The following RGS7 variants were observed in gnomAD, a reference collection of about 807,000 sequenced individuals.
RGS7 encodes the protein regulator of G protein signaling 7.
In RGS7, 27 loss-of-function variants were observed where a neutral mutation model predicts 81.1. The observed-to-expected ratio is 0.33, with a 90% CI of 0.25 to 0.46. The LOEUF is 0.46. Ranked by LOEUF, RGS7 falls within the 20% of genes least tolerant of loss-of-function variation. The pLI is 1.00. For missense variants in RGS7, 396 were observed against 607.4 expected (o/e 0.65, Z 3.66); for synonymous variants, 208 against 207.7 (o/e 1.00, Z -0.01).
At chr1:240,935,068 G>GT (rs34177709) in intron 5 of RGS7, among the ~76,000 whole-genome samples, 57,746 of 145,562 alleles carry the variant, frequency 0.4, 11,696 homozygotes, top group Middle Eastern at 0.47. Flanking sequence ...TTTTTTGTTT[G>GT]TTTTTTTTTT....
chr1:241,231,817 G>A (rs968489030), intron 2 of RGS7, among the ~76,000 whole-genome samples: 1 of 152,122 alleles, frequency 6.6e-6, no homozygotes, highest in Non-Finnish European at 1.5e-5. Flanking sequence ...AAAGCAAAAG[G>A]TTTTAATTTT....
intron 2 of RGS7, among the ~76,000 whole-genome samples, chr1:241,212,789 A>G (rs1442671604): frequency 6.6e-6 from 1 of 152,192 alleles, no homozygotes; most frequent in Non-Finnish European, 1.5e-5. Context: ...GAACATAAGT[A>G]GGGCTTCCGC....
chr1:240,776,431 C>T (rs923325904), intron 18 of RGS7, among the ~76,000 whole-genome samples: 5 of 151,910 alleles, frequency 3.3e-5, no homozygotes, highest in Non-Finnish European at 7.4e-5. Context: ...TCCCTCCACC[C>T]TCCTACCCCT....
At position 240,907,391 on chromosome 1, in the gene RGS7, A is replaced by G. The variant is rs1159479526; in HGVS notation, c.385+23326T>C. On this transcript the variant is annotated intron_variant, in intron 6 of 18. Transcript: ENST00000440928. ...AATAAAATACTAAATACTAAATAGTATTAGTATAGTAAATAGAAATAAAAT... is the reference window on the plus strand; with the variant it reads ...AATAAAATACTAAATACTAAATAGTGTTAGTATAGTAAATAGAAATAAAAT... 2.6e-5 allele frequency among the ~76,000 whole-genome samples: 4 copies of G among 152,064 alleles called. No homozygotes were observed. In the East Asian group the frequency reaches 5.8e-4, roughly 22 times the overall value.
At chr1:241,334,347 G>C (rs1039266697) in intron 2 of RGS7, among the ~76,000 whole-genome samples, 1 of 152,168 alleles carries the variant, frequency 6.6e-6, no homozygotes, top group African/African-American at 2.4e-5. Flanking sequence ...CTTTCTTGTT[G>C]CTGGAGAGCA....
intron 2 of RGS7, among the ~76,000 whole-genome samples, chr1:241,220,990 GAAGGAAGA>G (rs2074902933): frequency 2.6e-5 from 2 of 77,010 alleles, no homozygotes; most frequent in African/African-American, 7.1e-5. Flanking sequence ...AGGAAGGAAG[GAAGGAAGA>G]GAGAGAGAAA....
chr1:240,787,085 T>G (rs1024316435), intron 18 of RGS7, among the ~76,000 whole-genome samples: 9 of 152,306 alleles, frequency 5.9e-5, no homozygotes, highest in African/African-American at 2.2e-4. Context: ...TCTTAACCCC[T>G]TTCTGATACT....
At chr1:241,212,807 T>A (rs569214707) in intron 2 of RGS7, among the ~76,000 whole-genome samples, 2 of 152,192 alleles carry the variant, frequency 1.3e-5, no homozygotes, top group Non-Finnish European at 2.9e-5. Context: ...CGCGTTGTTG[T>A]AGGACAGCTT....
chr1:241,286,657 T>G (rs2078828162), intron 2 of RGS7, among the ~76,000 whole-genome samples: 1 of 152,120 alleles, frequency 6.6e-6, no homozygotes, highest in East Asian at 1.9e-4. Flanking sequence ...TGGCCCAAAC[T>G]AGGGTTTTTC....
chr1:240,883,270 T>C (rs1666744777), intron 6 of RGS7, among the ~76,000 whole-genome samples: 1 of 152,088 alleles, frequency 6.6e-6, no homozygotes, highest in South Asian at 2.1e-4. Flanking sequence ...ACATGGCACA[T>C]GTATACATAT....
intron 2 of RGS7, among the ~76,000 whole-genome samples, chr1:241,274,019 A>G (rs1297593150): frequency 6.6e-6 from 1 of 152,216 alleles, no homozygotes; most frequent in African/African-American, 2.4e-5. Flanking sequence ...GAATAAAAGC[A>G]ACTGTGGATC....
chr1:241,200,637 G>A (rs979601984), intron 2 of RGS7, among the ~76,000 whole-genome samples: 2 of 152,288 alleles, frequency 1.3e-5, no homozygotes, highest in Non-Finnish European at 2.9e-5. Context: ...TCACAGTGGA[G>A]TTCCAGGACC....
chr1:241,170,481 G>A (rs1449959221), intron 2 of RGS7, among the ~76,000 whole-genome samples: 5 of 152,076 alleles, frequency 3.3e-5, no homozygotes, highest in African/African-American at 7.2e-5. Context: ...AGCCTTATAC[G>A]GAGACAGAAA....
At position 240,878,460 on chromosome 1, in the gene RGS7, TTTTCTTTTC is replaced by T. The variant is rs1245657379; in HGVS notation, c.386-8350_386-8342del. ...CCTAGTGTTCATTCGAGGTTTTGTG[TTTTCTTTTC>T]TTTCTTTTCTTTTTTCTTTCTTTTT... is the stretch of plus-strand genomic sequence containing the variant. On this transcript the variant is annotated intron_variant, in intron 6 of 18. Coordinates refer to ENST00000440928, the MANE Select transcript of RGS7 (RefSeq NM_001364886.1). 4.0e-5 allele frequency among the ~76,000 whole-genome samples: 6 copies of T among 149,264 alleles called. No homozygotes were observed. In the Admixed American group the frequency reaches 4.1e-4, roughly 10 times the overall value.
At chr1:241,298,535 A>G (rs568449990) in intron 2 of RGS7, among the ~76,000 whole-genome samples, 1 of 152,292 alleles carries the variant, frequency 6.6e-6, no homozygotes, top group Admixed American at 6.5e-5. Context: ...CTGACACTAC[A>G]TTCCCTGACG....
At chr1:240,782,117 T>C (rs561490013) in intron 18 of RGS7, among the ~76,000 whole-genome samples, 1 of 152,198 alleles carries the variant, frequency 6.6e-6, no homozygotes, top group Admixed American at 6.5e-5. Context: ...TGGATCTATT[T>C]GTAAACCATG....
chr1:240,824,620 T>C (rs902030362), intron 10 of RGS7, among the ~76,000 whole-genome samples: 7 of 152,224 alleles, frequency 4.6e-5, no homozygotes, highest in African/African-American at 1.7e-4. Flanking sequence ...GTCAAGGTAT[T>C]CACTGACAAA....
chr1:240,894,621 T>C (rs1668752732), intron 6 of RGS7, among the ~76,000 whole-genome samples: 1 of 152,076 alleles, frequency 6.6e-6, no homozygotes. Context: ...TATCAAATCT[T>C]CCTGGAATTT....
chr1:241,064,341 T>G (rs1337434259), intron 3 of RGS7, among the ~76,000 whole-genome samples: 1 of 151,408 alleles, frequency 6.6e-6, no homozygotes, highest in East Asian at 1.9e-4. Context: ...ATCCCAGCAC[T>G]TTGGGAGGCC....
Sources: allele counts gnomAD v4.1 joint callset (sites outside exome capture counted in the v4.1 genomes callset), GRCh38; gene constraint gnomAD v4.1.1; transcripts MANE v1.5; gene names NCBI Gene and HGNC (gene_info 2026-07-23, HGNC 2026-07-21).